Variants in ADAMTS2 observed in about 807,000 individuals in gnomAD.
ADAMTS2 encodes ADAM metallopeptidase with thrombospondin type 1 motif 2.
ADAMTS2 carries 50 observed loss-of-function variants against 123.0 expected under a neutral mutation model. The observed-to-expected ratio is 0.41, with a 90% CI of 0.32 to 0.51. The LOEUF is 0.51. Among genes scored for constraint, ADAMTS2 ranks in the 20% least tolerant of loss-of-function variants. ADAMTS2 has a pLI of 0.35. For synonymous variants in ADAMTS2, 678 were observed against 695.4 expected (o/e 0.98, Z 0.39); for missense variants, 1,494 against 1,705.2 (o/e 0.88, Z 2.18).
rs945116097 is a variant in ADAMTS2, at chr5:179,189,272, CAA to C, written c.892-8119_892-8118del. Among the ~76,000 whole-genome samples, 3 of 151,862 alleles carry C rather than the reference CAA, an allele frequency of 2.0e-5. No individual in the cohort carries two copies. The highest frequency in any genetic ancestry group is 7.3e-5 in the African/African-American group (3 of 41,318). ...CACCTGGGTGCAGGTGGGCTGAGTC[CAA>C]AAAGAGAGTCAGCAAAGGGTGGTGG... On this transcript the variant is annotated intron_variant, in intron 4 of 21. Transcript: ENST00000251582. This position sits in a 1 kb window ranked among gnomAD's most constrained non-coding sequence, Gnocchi z 4.2.
In ADAMTS2 at chr5:179,189,509, G is replaced by GTT. The variant is rs1561795932; in HGVS notation, c.892-8355_892-8354insAA. Reference sequence around the variant, plus strand: ...GCTACAGGCGCCCGCCAGTGCGCCTGGTTTTTTTTTTTTTTTTTTTTTTTT... The same window carrying GTT: ...GCTACAGGCGCCCGCCAGTGCGCCTGTTGTTTTTTTTTTTTTTTTTTTTTTTT... On this transcript the variant is annotated intron_variant, in intron 4 of 21. Coordinates refer to ENST00000251582, the MANE Select transcript of ADAMTS2 (RefSeq NM_014244.5). The surrounding 1 kb of genome is among the most constrained non-coding windows in gnomAD (Gnocchi z 4.2). Among the ~76,000 whole-genome samples the GTT allele has an allele frequency of 1.9e-5, 1 of 52,548 alleles. No individual in the cohort carries two copies. Among genetic ancestry groups the GTT allele is most frequent in the Non-Finnish European group, 3.1e-5 (1 of 31,778 alleles). 34.5% of individuals were successfully genotyped at this position (52,548 alleles called of 152,430 possible). A position where few individuals can be genotyped will look rare whatever the true frequency, so the allele number is the denominator to read the frequency against.
At chr5:179,134,771 C>G (rs1377112069) in intron 13 of ADAMTS2, among the ~76,000 whole-genome samples, 4 of 116,484 alleles carry the variant, frequency 3.4e-5, no homozygotes, top group East Asian at 2.3e-4. Context: ...CAGCTCCCGG[C>G]TCCATCCCCC....
intron 3 of ADAMTS2, among the ~76,000 whole-genome samples, chr5:179,267,156 G>A (rs554284904): frequency 2.0e-5 from 3 of 151,910 alleles, no homozygotes; most frequent in African/African-American, 7.3e-5. Flanking sequence ...GATCCCCTGC[G>A]GCCTGGAAAA....
chr5:179,160,620 A>G, intron 5 of ADAMTS2, among the ~76,000 whole-genome samples: 1 of 152,218 alleles, frequency 6.6e-6, no homozygotes, highest in Admixed American at 6.5e-5. Context: ...TTAATTGTAA[A>G]GACTTTATTT....
chr5:179,264,481 G>GCC (rs33967552), intron 3 of ADAMTS2, among the ~76,000 whole-genome samples: 40,183 of 152,144 alleles, frequency 0.26, 6,207 homozygotes, highest in East Asian at 0.58. Context: ...GAGGGGGCAT[G>GCC]CCCAGCCCAC....
intron 3 of ADAMTS2, among the ~76,000 whole-genome samples, chr5:179,244,305 C>T (rs1016819617): frequency 6.6e-6 from 1 of 151,298 alleles, no homozygotes; most frequent in Non-Finnish European, 1.5e-5. Flanking sequence ...ATGTGGGAAT[C>T]CCAGTGGGAT....
chr5:179,257,395 G>A (rs978692230), intron 3 of ADAMTS2, among the ~76,000 whole-genome samples: 6 of 152,208 alleles, frequency 3.9e-5, no homozygotes, highest in East Asian at 1.9e-4. Flanking sequence ...CCGGGAGCCC[G>A]GGGAACAGAA....
rs1165491843 is a variant in ADAMTS2 at position 179,129,735 on chromosome 5, G to C, written c.2457+197C>G. Among the ~76,000 whole-genome samples the C allele has an allele frequency of 6.6e-6, 1 of 152,172 alleles. No individual in the cohort carries two copies. Among genetic ancestry groups the C allele is most frequent in the East Asian group, 1.9e-4 (1 of 5,178 alleles). On this transcript the variant is annotated intron_variant, in intron 16 of 21. Coordinates refer to ENST00000251582, the MANE Select transcript of ADAMTS2 (RefSeq NM_014244.5). This position sits in a 1 kb window ranked among gnomAD's most constrained non-coding sequence, Gnocchi z 4.1. ...CAAGGTCACCTAGGGGTCATGTGGG[G>C]TCCAGAGCCCCGGCTCGTGGATGCA...
intron 5 of ADAMTS2, among the ~76,000 whole-genome samples, chr5:179,177,112 C>T (rs1396547037): frequency 6.6e-6 from 1 of 152,212 alleles, no homozygotes; most frequent in Non-Finnish European, 1.5e-5. Context: ...AGAGACTATG[C>T]CAGTGAATAT....
At position 179,193,523 on chromosome 5, in the gene ADAMTS2, G is replaced by A. The variant is rs1010763824; in HGVS notation, c.892-12368C>T. ...TATCCCGGGACCTGGCCATTCAGAC[G>A]TCAGCATGGACGATGGAGACACAGC... On this transcript the variant is annotated intron_variant, in intron 4 of 21. Coordinates refer to ENST00000251582, the MANE Select transcript of ADAMTS2 (RefSeq NM_014244.5). 7.2e-5 allele frequency among the ~76,000 whole-genome samples: 11 copies of A among 152,284 alleles called. No individual in the cohort carries two copies. The South Asian group carries it at 1.0e-3, about 14-fold the overall frequency.
chr5:179,182,904 G>T lies in ADAMTS2; in HGVS notation c.892-1749C>A, dbSNP rs77761048. 4.2e-3 allele frequency among the ~76,000 whole-genome samples: 643 copies of T among 152,284 alleles called. 9 individuals carry two copies. The highest frequency in any genetic ancestry group is 0.015 in the African/African-American group (628 of 41,562). On this transcript the variant is annotated intron_variant, in intron 4 of 21. Transcript: ENST00000251582. Reference sequence around the variant, plus strand: ...ATCTCGCCCCTGTGGCTGACAAGATGGAGCTCCGAGGAGGGCACCCAGGTC... The same window carrying T: ...ATCTCGCCCCTGTGGCTGACAAGATTGAGCTCCGAGGAGGGCACCCAGGTC...
At position 179,308,517 on chromosome 5, in the gene ADAMTS2, G is replaced by A. The variant is rs946820204; in HGVS notation, c.534+35250C>T. The stretch of plus-strand genomic sequence containing the variant: ...GAGCCCACAGGAGCTCCTGCAATGC[G>A]ATGACCATGCCTGCAGGCCCCCATA... On this transcript the variant is annotated intron_variant, in intron 2 of 21. Transcript: ENST00000251582. The surrounding 1 kb of genome is among the most constrained non-coding windows in gnomAD (Gnocchi z 6.6). Among the ~76,000 whole-genome samples the A allele has an allele frequency of 6.6e-5, 10 of 152,190 alleles. No homozygotes were observed. Among genetic ancestry groups the A allele is most frequent in the African/African-American group, 2.2e-4 (9 of 41,454 alleles).
chr5:179,291,614 G>A (rs1490766539), intron 2 of ADAMTS2, among the ~76,000 whole-genome samples: 3 of 152,156 alleles, frequency 2.0e-5, no homozygotes, highest in African/African-American at 7.2e-5. Context: ...GCGGGAGTGT[G>A]CCCACCATTA....
At chr5:179,131,697 G>A (rs1422368655) in intron 15 of ADAMTS2, among the ~76,000 whole-genome samples, 1 of 152,132 alleles carries the variant, frequency 6.6e-6, no homozygotes, top group East Asian at 1.9e-4. Flanking sequence ...GCTGCTTCGT[G>A]GAAAGGGGCA....
intron 3 of ADAMTS2, among the ~76,000 whole-genome samples, chr5:179,271,787 A>G (rs1053345864): frequency 7.2e-5 from 11 of 152,372 alleles, no homozygotes; most frequent in Admixed American, 5.9e-4. Context: ...TCATGAAATT[A>G]GAAGTATGCC....
rs144383934 is a variant in ADAMTS2 at position 179,312,131 on chromosome 5, C to T, written c.534+31636G>A. 6.6e-5 allele frequency among the ~76,000 whole-genome samples: 10 copies of T among 152,292 alleles called. No individual in the cohort carries two copies. In the East Asian group the frequency reaches 1.4e-3, roughly 21 times the overall value. ...AGCTGAAAAATGGCCCCCGAAGACACGTCCGGGTCCCAATCCCTGGAACCC... is the reference window on the plus strand; with the variant it reads ...AGCTGAAAAATGGCCCCCGAAGACATGTCCGGGTCCCAATCCCTGGAACCC... On this transcript the variant is annotated intron_variant, in intron 2 of 21. Transcript: ENST00000251582. This position sits in a 1 kb window ranked among gnomAD's most constrained non-coding sequence, Gnocchi z 4.2.
At chr5:179,218,357 C>A (rs893805847) in intron 3 of ADAMTS2, among the ~76,000 whole-genome samples, 8 of 152,200 alleles carry the variant, frequency 5.3e-5, no homozygotes, top group Non-Finnish European at 1.2e-4. Context: ...TAAAGATAAT[C>A]ATTAAGATGA....
At chr5:179,326,192 TTGTGTGTGCGTG>T (rs1407215217) in intron 2 of ADAMTS2, among the ~76,000 whole-genome samples, 1 of 130,828 alleles carries the variant, frequency 7.6e-6, no homozygotes, top group Non-Finnish European at 1.6e-5. Flanking sequence ...GAAATGGCGT[TTGTGTGTGCGTG>T]TGTGTGTGTG....
In ADAMTS2 at chr5:179,155,029, T is replaced by G; in HGVS notation, c.1133-110A>C. The G allele has an allele frequency of 1.0e-6, 1 of 965,582 alleles. No homozygotes were observed. The allele number at this position is 965,582 out of a possible 1,614,324, so 59.8% of individuals were successfully genotyped here. A position where few individuals can be genotyped will look rare whatever the true frequency, so the allele number is the denominator to read the frequency against. The stretch of plus-strand genomic sequence containing the variant: ...CTCCTCAAGGCCCCAATGCCCTCTC[T>G]ACCACAGGCAACTGCCCCCGGCTGG... On this transcript the variant is annotated intron_variant, in intron 6 of 21. Transcript: ENST00000251582. The surrounding 1 kb of genome is among the most constrained non-coding windows in gnomAD (Gnocchi z 5.1).
Sources: gnomAD v4.1 joint callset for allele counts (sites outside exome capture counted in the v4.1 genomes callset) on GRCh38, gnomAD v4.1.1 for gene constraint, Gnocchi (gnomAD v3.1) non-coding constraint, MANE v1.5 for transcripts, NCBI Gene and HGNC (gene_info 2026-07-23, HGNC 2026-07-21) for gene names.